LSM5: variants seen among roughly 807,000 people sequenced by gnomAD.
The protein encoded by LSM5 is U6 snRNA-associated Sm-like protein LSm5.
A neutral mutation model predicts 13.8 loss-of-function variants in LSM5; 8 were observed. The observed-to-expected ratio is 0.58, with a 90% CI of 0.34 to 1.04. The LOEUF is 1.04. Among genes scored for constraint, LSM5 ranks in the 50% least tolerant of loss-of-function variants. The pLI, the probability that LSM5 is intolerant of heterozygous loss-of-function variation, is 0.03. For missense variants in LSM5, 80 were observed against 108.1 expected (o/e 0.74, Z 1.15); for synonymous variants, 35 against 37.0 (o/e 0.95, Z 0.20).
At chr7:32,490,502 T>TC (rs1786559934), upstream of LSM5, 1 of 677,094 alleles carries the variant, frequency 1.5e-6, no homozygotes, top group Non-Finnish European at 2.6e-6. Flanking sequence ...TGGGTCGCGT[T>TC]CACTGGCTTT....
At chr7:32,494,864 AG>A (rs1162873287), upstream of LSM5, 4 of 152,106 alleles carry the variant, frequency 2.6e-5, no homozygotes, top group African/African-American at 9.7e-5. Context: ...ATTCTGTTTC[AG>A]GTTTTAAATG....
chr7:32,488,424 C>T, intron 3 of LSM5: 1 of 494,958 alleles, frequency 2.0e-6, no homozygotes, highest in South Asian at 3.0e-5. Context: ...ACTGTGTCTC[C>T]ACTAATATTC....
upstream of LSM5, among the ~76,000 whole-genome samples, chr7:32,494,776 A>G (rs941828845): frequency 7.2e-5 from 11 of 152,254 alleles, no homozygotes; most frequent in African/African-American, 2.7e-4. Context: ...TGGAATGAAA[A>G]GAATATTCTT....
upstream of LSM5, chr7:32,490,802 TC>T (rs1465254216): frequency 5.5e-6 from 1 of 182,636 alleles, no homozygotes; most frequent in Non-Finnish European, 1.3e-5. Flanking sequence ...CTTTTTAAAG[TC>T]CAGTGGATTG....
At chr7:32,488,172 G>A in intron 3 of LSM5, 1 of 209,066 alleles carries the variant, frequency 4.8e-6, no homozygotes, top group South Asian at 8.1e-5. Context: ...AGAGCAGCTA[G>A]GACTACAGCT....
chr7:32,487,098 A>G lies in LSM5; in HGVS notation c.*163T>C. On this transcript the variant is annotated 3_prime_UTR_variant, in exon 5 of 5. Coordinates refer to ENST00000450169, the MANE Select transcript of LSM5 (RefSeq NM_012322.3). ...AGCTCTTTTCTTCTTTTTCCAGGAT[A>G]ATCATGATTAACTTACAAAAATGGG... The G allele has an allele frequency of 1.5e-6, 1 of 652,010 alleles. No homozygotes were observed. Among genetic ancestry groups the G allele is most frequent in the East Asian group, 2.8e-5 (1 of 35,662 alleles). The allele number at this position is 652,010 out of a possible 1,614,324, so 40.4% of individuals were successfully genotyped here.
intron 4 of LSM5, 137 bp from the exon 5 acceptor site, chr7:32,487,430 T>C (rs1786474369): frequency 1.4e-6 from 1 of 722,392 alleles, no homozygotes; most frequent in African/African-American, 1.8e-5. Context: ...AGTATCTATT[T>C]ACAATTCCCA....
upstream of LSM5, chr7:32,490,686 C>T (rs1299911805): frequency 1.3e-5 from 5 of 398,364 alleles, no homozygotes; most frequent in Non-Finnish European, 2.0e-5. Context: ...GTTGCATTTC[C>T]TCTCAAGCCA....
At chr7:32,489,517 A>C in intron 1 of LSM5, 173 bp from the exon 2 acceptor site, 1 of 558,934 alleles carries the variant, frequency 1.8e-6, no homozygotes, top group South Asian at 2.3e-5. Context: ...GCACATAATG[A>C]GCCTTCCAAA....
upstream of LSM5, among the ~76,000 whole-genome samples, chr7:32,494,600 T>C (rs1786690722): frequency 6.6e-6 from 1 of 152,238 alleles, no homozygotes; most frequent in Non-Finnish European, 1.5e-5. Flanking sequence ...TTGAAAACTG[T>C]CCTAGATAAG....
At chr7:32,490,904 T>C (rs115700887), upstream of LSM5, 759 of 157,856 alleles carry the variant, frequency 4.8e-3, 2 homozygotes, top group African/African-American at 0.018. Context: ...TTCATCGTTC[T>C]TATCTTTTTA....
upstream of LSM5, chr7:32,490,639 T>C (rs1167786484): frequency 8.1e-6 from 4 of 496,122 alleles, no homozygotes; most frequent in South Asian, 2.2e-5. Context: ...TGTGAATAAA[T>C]TGTTCCTGTA....
At chr7:32,490,673 A>G, upstream of LSM5, 1 of 416,312 alleles carries the variant, frequency 2.4e-6, no homozygotes, top group South Asian at 2.5e-5. Flanking sequence ...CTTCCCCCGT[A>G]AAGTTGCATT....
Position 32,486,186 on chromosome 7 carries a change from C to G in LSM5, c.*1075G>C, listed in dbSNP as rs1217914220. 1 of 152,040 alleles carries G rather than the reference C, an allele frequency of 6.6e-6. No individual in the cohort carries two copies. The highest frequency in any genetic ancestry group is 1.5e-5 in the Non-Finnish European group (1 of 68,014). The allele number at this position is 152,040 out of a possible 1,614,324, so 9.4% of individuals were successfully genotyped here. On this transcript the variant is annotated 3_prime_UTR_variant, in exon 5 of 5. Coordinates refer to ENST00000450169, the MANE Select transcript of LSM5 (RefSeq NM_012322.3). ...TAGAAAAATACAAATGTATAAAGAT[C>G]TAGTTAGACTACTGTGGCCAGTAAG...
At chr7:32,490,478 T>C, upstream of LSM5, 1 of 847,006 alleles carries the variant, frequency 1.2e-6, no homozygotes, top group Non-Finnish European at 2.0e-6. Flanking sequence ...GAGCGCACGA[T>C]CTAGTCAGCT....
chr7:32,491,623 ATTTTAACT>A (rs1263096692), upstream of LSM5, among the ~76,000 whole-genome samples: 1 of 152,196 alleles, frequency 6.6e-6, no homozygotes, highest in African/African-American at 2.4e-5. Flanking sequence ...TGGGCAAGTT[ATTTTAACT>A]TTTTAAGTCT....
Position 32,489,351 on chromosome 7 carries a change from AG to A in LSM5, c.47-8del. The stretch of plus-strand genomic sequence containing the variant: ...ATACATTTGTCCACAAGCTCTGAGG[AG>A]GGAAAAAATATTATTTTACCATTCA... On this transcript the variant is annotated splice_region_variant and splice_polypyrimidine_tract_variant and intron_variant, in intron 1 of 4. Coordinates refer to ENST00000450169, the MANE Select transcript of LSM5 (RefSeq NM_012322.3). 5 of 1,494,626 alleles carry A rather than the reference AG, an allele frequency of 3.3e-6. No individual in the cohort carries two copies. The highest frequency in any genetic ancestry group is 4.6e-6 in the Non-Finnish European group (5 of 1,080,060). The allele number at this position is 1,494,626 out of a possible 1,614,324, so 92.6% of individuals were successfully genotyped here. A position where few individuals can be genotyped will look rare whatever the true frequency, so the allele number is the denominator to read the frequency against.
At chr7:32,488,342 TCTTA>T (rs1283305433) in intron 3 of LSM5, 10 of 339,056 alleles carry the variant, frequency 2.9e-5, no homozygotes, top group South Asian at 1.4e-4. Context: ...GCCTAAATGC[TCTTA>T]CTATCAGTTC....
upstream of LSM5, among the ~76,000 whole-genome samples, chr7:32,492,035 T>C (rs1786606325): frequency 6.6e-6 from 1 of 152,234 alleles, no homozygotes; most frequent in African/African-American, 2.4e-5. Context: ...AGATTTTAAA[T>C]ACGAAGTAAT....
Sources: gnomAD v4.1 joint callset for allele counts (sites outside exome capture counted in the v4.1 genomes callset) on GRCh38, gnomAD v4.1.1 for gene constraint, MANE v1.5 for transcripts, NCBI Gene and HGNC (gene_info 2026-07-23, HGNC 2026-07-21) for gene names.